The following THUMPD2 variants were observed in gnomAD, a reference collection of about 807,000 sequenced individuals.
The protein encoded by THUMPD2 is THUMP domain 2 tRNA and snRNA guanosine methyltransferase.
Under a neutral mutation model 49.4 loss-of-function variants are expected in THUMPD2, and 56 were observed. The observed-to-expected ratio is 1.13, with a 90% CI of 0.91 to 1.41. THUMPD2 has a LOEUF of 1.41. THUMPD2 is among the 40% of genes most tolerant of loss of function. The pLI is 0.00. For missense variants in THUMPD2, 709 were observed against 594.5 expected (o/e 1.19, Z -2.00); for synonymous variants, 237 against 205.2 (o/e 1.15, Z -1.32).
intron 5 of THUMPD2, among the ~76,000 whole-genome samples, chr2:39,761,766 G>C (rs1178444221): frequency 1.3e-5 from 2 of 152,144 alleles, no homozygotes; most frequent in African/African-American, 4.8e-5. Flanking sequence ...TTGAAGTCAT[G>C]AAGGGGAATG....
At chr2:39,760,147 C>T (rs2373689) in intron 6 of THUMPD2, among the ~76,000 whole-genome samples, 82,596 of 151,934 alleles carry the variant, frequency 0.54, 22,959 homozygotes, top group East Asian at 0.76. Flanking sequence ...TAATAAATAA[C>T]TTAGCTTCTC....
chr2:39,778,306 G>A (rs957567207), intron 1 of THUMPD2, among the ~76,000 whole-genome samples: 1 of 152,220 alleles, frequency 6.6e-6, no homozygotes. Context: ...CAAAACACAA[G>A]TGGCAGGTAG....
intron 9 of THUMPD2, among the ~76,000 whole-genome samples, chr2:39,741,965 A>G (rs1429380093): frequency 1.3e-5 from 2 of 152,170 alleles, no homozygotes; most frequent in African/African-American, 4.8e-5. Context: ...GATAACAGAT[A>G]CTGAGTAAGT....
At chr2:39,770,776 G>C (rs1272243703) in intron 2 of THUMPD2, among the ~76,000 whole-genome samples, 1 of 152,020 alleles carries the variant, frequency 6.6e-6, no homozygotes, top group African/African-American at 2.4e-5. Flanking sequence ...ATAATACTTT[G>C]GGATTTGCTT....
At chr2:39,744,797 T>C (rs192592779) in intron 8 of THUMPD2, 65 of 172,064 alleles carry the variant, frequency 3.8e-4, no homozygotes, top group Admixed American at 3.2e-3. Flanking sequence ...CTCCACTAAA[T>C]TGCCTAGAAA....
At chr2:39,737,471 T>C (rs1190582160) in intron 9 of THUMPD2, among the ~76,000 whole-genome samples, 1 of 152,180 alleles carries the variant, frequency 6.6e-6, no homozygotes, top group African/African-American at 2.4e-5. Flanking sequence ...GAAGGGCAGA[T>C]CTTGAAATGT....
At chr2:39,741,232 G>A (rs1673861138) in intron 9 of THUMPD2, among the ~76,000 whole-genome samples, 1 of 151,958 alleles carries the variant, frequency 6.6e-6, no homozygotes, top group Non-Finnish European at 1.5e-5. Context: ...AGGAGTAGAT[G>A]GTACAAATAA....
intron 9 of THUMPD2, among the ~76,000 whole-genome samples, chr2:39,742,747 C>T (rs1025011794): frequency 6.6e-6 from 1 of 152,180 alleles, no homozygotes; most frequent in Non-Finnish European, 1.5e-5. Flanking sequence ...TTAAGAACTA[C>T]CAATGCTTGA....
intron 2 of THUMPD2, 120 bp from the exon 3 acceptor site, chr2:39,770,239 C>G: frequency 1.5e-6 from 1 of 645,780 alleles, no homozygotes. Flanking sequence ...AATTGCTACA[C>G]GAATAACTTC....
At chr2:39,737,085 G>C in intron 9 of THUMPD2, 26 bp from the exon 10 acceptor site, 1 of 1,563,516 alleles carries the variant, frequency 6.4e-7, no homozygotes, top group Non-Finnish European at 8.7e-7. Context: ...AATGGTAATT[G>C]CTATCTTTCT....
chr2:39,777,461 A>G (rs1364140396), intron 1 of THUMPD2, among the ~76,000 whole-genome samples: 6 of 152,212 alleles, frequency 3.9e-5, no homozygotes, highest in African/African-American at 1.2e-4. Context: ...ACAAGTCCCA[A>G]TTTTCTCTTT....
At chr2:39,776,730 G>A (rs1679161476) in intron 1 of THUMPD2, among the ~76,000 whole-genome samples, 1 of 152,040 alleles carries the variant, frequency 6.6e-6, no homozygotes, top group Non-Finnish European at 1.5e-5. Flanking sequence ...GTATATTTTT[G>A]AAATTCTCCA....
chr2:39,757,281 G>A, intron 6 of THUMPD2: 3 of 783,072 alleles, frequency 3.8e-6, no homozygotes, highest in East Asian at 6.4e-5. Context: ...TCGAGATAGG[G>A]GAGAAAAGAC....
At chr2:39,752,582 C>T (rs1675552433) in intron 8 of THUMPD2, among the ~76,000 whole-genome samples, 1 of 152,144 alleles carries the variant, frequency 6.6e-6, no homozygotes, top group Admixed American at 6.5e-5. Flanking sequence ...AAATTGGCCC[C>T]TGTATTAGCA....
At chr2:39,749,538 C>T (rs183820886) in intron 8 of THUMPD2, among the ~76,000 whole-genome samples, 218 of 152,298 alleles carry the variant, frequency 1.4e-3, no homozygotes, top group Non-Finnish European at 2.8e-3. Context: ...GCATTTTCTT[C>T]AGTTGCATGT....
At chr2:39,769,254 C>G in intron 3 of THUMPD2, 2 of 338,320 alleles carry the variant, frequency 5.9e-6, no homozygotes, top group Non-Finnish European at 1.2e-5. Flanking sequence ...GAATGGCATA[C>G]CATTCCTCTT....
chr2:39,768,879 A>T, intron 3 of THUMPD2: 1 of 1,292,494 alleles, frequency 7.7e-7, no homozygotes, highest in African/African-American at 1.5e-5. Context: ...AAAAATTATC[A>T]GATTAGTATC....
intron 9 of THUMPD2, among the ~76,000 whole-genome samples, chr2:39,741,511 G>A (rs376893578): frequency 2.6e-5 from 4 of 152,132 alleles, no homozygotes; most frequent in African/African-American, 9.7e-5. Flanking sequence ...CCTTCAAGCG[G>A]TGCAAGGTGA....
chr2:39,768,552 GT>G (rs1292135156), intron 3 of THUMPD2, 51 bp from the exon 4 acceptor site: 5 of 1,476,852 alleles, frequency 3.4e-6, no homozygotes, highest in Non-Finnish European at 4.7e-6. Context: ...AAAATTTTAA[GT>G]TTAAATGTCA....
Sources: gnomAD v4.1 joint callset for allele counts (sites outside exome capture counted in the v4.1 genomes callset) on GRCh38, gnomAD v4.1.1 for gene constraint, MANE v1.5 for transcripts, NCBI Gene and HGNC (gene_info 2026-07-23, HGNC 2026-07-21) for gene names.